Variants in PLPP3 observed in about 807,000 individuals in gnomAD.
The protein encoded by PLPP3 is phospholipid phosphatase 3, also known as PAP2 beta.
PLPP3 carries 6 observed loss-of-function variants against 29.6 expected under a neutral mutation model. That is an observed-to-expected ratio of 0.20 (90% confidence interval 0.11 to 0.40). The LOEUF (loss-of-function observed/expected upper bound fraction) is 0.40. Ranked by LOEUF, PLPP3 falls within the 10% of genes least tolerant of loss-of-function variation. The probability of loss-of-function intolerance (pLI) is 1.00; values close to 1 mark genes in which losing one functional copy is unlikely to be tolerated. For missense variants in PLPP3, 308 were observed against 407.7 expected, an observed-to-expected ratio of 0.76 and a Z score of 2.11; for synonymous variants, 152 against 159.7, an observed-to-expected ratio of 0.95 and a Z score of 0.36.
At chr1:56,529,520 T>C (rs757675996) in intron 2 of PLPP3, among the ~76,000 whole-genome samples, 1 of 152,176 alleles carries the variant, frequency 6.6e-6, no homozygotes, top group Non-Finnish European at 1.5e-5. Context: ...CTGTTGATGA[T>C]GGAGAATCGT....
At chr1:56,557,070 GAAAGAAAAAAT>G (rs1646088384) in intron 1 of PLPP3, among the ~76,000 whole-genome samples, 1 of 130,344 alleles carries the variant, frequency 7.7e-6, no homozygotes, top group Non-Finnish European at 1.7e-5. Context: ...AAGAAAGAAA[GAAAGAAAAAAT>G]GAGAGAGAGA....
chr1:56,542,319 C>T (rs1406498239), intron 1 of PLPP3, among the ~76,000 whole-genome samples: 1 of 152,110 alleles, frequency 6.6e-6, no homozygotes, highest in Non-Finnish European at 1.5e-5. Context: ...ACCCAAGTGA[C>T]CTGGCCCCAA....
intron 1 of PLPP3, among the ~76,000 whole-genome samples, chr1:56,564,992 T>G (rs960637142): frequency 1.3e-5 from 2 of 152,236 alleles, no homozygotes; most frequent in Non-Finnish European, 2.9e-5. Context: ...GTGCTTCTAA[T>G]GAAAACATCC....
chr1:56,496,778 C>T, intron 5 of PLPP3, 102 bp from the exon 6 acceptor site: 1 of 1,272,554 alleles, frequency 7.9e-7, no homozygotes, highest in Admixed American at 2.4e-5. Flanking sequence ...GGAAAAGGGG[C>T]CCCAAATCAT....
At chr1:56,566,082 A>G (rs1415897445) in intron 1 of PLPP3, among the ~76,000 whole-genome samples, 1 of 152,192 alleles carries the variant, frequency 6.6e-6, no homozygotes, top group Non-Finnish European at 1.5e-5. Flanking sequence ...AGGCTTGACA[A>G]GTTAATCACT....
chr1:56,508,591 A>T (rs1485656498), intron 5 of PLPP3, among the ~76,000 whole-genome samples: 2 of 152,186 alleles, frequency 1.3e-5, no homozygotes, highest in African/African-American at 4.8e-5. Flanking sequence ...AGTTGTGAGT[A>T]AGAAGAGAAC....
chr1:56,497,829 T>C (rs981471448), intron 5 of PLPP3, among the ~76,000 whole-genome samples: 5 of 152,216 alleles, frequency 3.3e-5, no homozygotes, highest in Non-Finnish European at 5.9e-5. Flanking sequence ...ATTTTCACAG[T>C]GTCCCTTCTG....
intron 1 of PLPP3, among the ~76,000 whole-genome samples, chr1:56,562,704 TG>T (rs1374681639): frequency 1.3e-5 from 2 of 152,226 alleles, no homozygotes; most frequent in Non-Finnish European, 2.9e-5. Flanking sequence ...AAGCTGAGAC[TG>T]GAGGCAAGAA....
At chr1:56,528,298 T>C (rs1645865494) in intron 2 of PLPP3, among the ~76,000 whole-genome samples, 1 of 152,162 alleles carries the variant, frequency 6.6e-6, no homozygotes, top group South Asian at 2.1e-4. Flanking sequence ...AGAGGTTGGC[T>C]CCAACTGCAA....
intron 1 of PLPP3, among the ~76,000 whole-genome samples, chr1:56,554,839 C>T (rs760294279): frequency 3.9e-5 from 6 of 152,092 alleles, no homozygotes; most frequent in African/African-American, 1.4e-4. Context: ...CTTAGCACTC[C>T]ACATTGGTTT....
At chr1:56,526,635 A>T (rs1443091889) in intron 2 of PLPP3, among the ~76,000 whole-genome samples, 1 of 152,224 alleles carries the variant, frequency 6.6e-6, no homozygotes, top group Non-Finnish European at 1.5e-5. Context: ...GGAGTCAAGT[A>T]GCCGAGGTTC....
intron 1 of PLPP3, among the ~76,000 whole-genome samples, chr1:56,575,683 C>T (rs773640761): frequency 1.3e-5 from 2 of 152,180 alleles, no homozygotes; most frequent in African/African-American, 4.8e-5. Flanking sequence ...CAATTCAAAT[C>T]GACTTCAGTG....
chr1:56,545,353 C>T lies in PLPP3; in HGVS notation c.140-8241G>A, dbSNP rs560591680. 3.3e-5 allele frequency among the ~76,000 whole-genome samples: 5 copies of T among 152,300 alleles called. No homozygotes were observed. The South Asian group carries it at 6.2e-4, about 19-fold the overall frequency. On this transcript the variant is annotated intron_variant, in intron 1 of 5. Transcript: ENST00000371250. Reference sequence around the variant, plus strand: ...ATGTAGTTGATAAAATAAGTTATTTCTTGCTCTTATATGTGACAGGGAGCC... The same window carrying T: ...ATGTAGTTGATAAAATAAGTTATTTTTTGCTCTTATATGTGACAGGGAGCC...
At chr1:56,565,509 C>T (rs910934100) in intron 1 of PLPP3, among the ~76,000 whole-genome samples, 2 of 152,114 alleles carry the variant, frequency 1.3e-5, no homozygotes, top group South Asian at 2.1e-4. Context: ...CAACCTCTGC[C>T]TCCCAGGCTC....
intron 4 of PLPP3, among the ~76,000 whole-genome samples, chr1:56,517,892 C>A (rs1645792922): frequency 6.6e-6 from 1 of 152,214 alleles, no homozygotes; most frequent in Non-Finnish European, 1.5e-5. Context: ...GGAATAATCT[C>A]TGACCTGATC....
intron 1 of PLPP3, among the ~76,000 whole-genome samples, chr1:56,566,285 G>T (rs1569606331): frequency 6.6e-6 from 1 of 152,172 alleles, no homozygotes; most frequent in African/African-American, 2.4e-5. Flanking sequence ...GAAACACGTG[G>T]AGAATATAGG....
Position 56,498,842 on chromosome 1 carries a change from C to G in PLPP3, c.811-2166G>C, listed in dbSNP as rs556468363. Among the ~76,000 whole-genome samples, 493 of 152,258 alleles carry G rather than the reference C, an allele frequency of 3.2e-3. 1 individual carries two copies. The highest frequency in any genetic ancestry group is 4.0e-3 in the Non-Finnish European group (273 of 68,012). On this transcript the variant is annotated intron_variant, in intron 5 of 5. Transcript: ENST00000371250. ...AGAGACGGGGTTTCACCATGCTGAC[C>G]AGGCTGGTCTGGAACTCCTGACCTC...
intron 2 of PLPP3, among the ~76,000 whole-genome samples, chr1:56,529,821 A>T (rs949590326): frequency 6.6e-6 from 1 of 152,172 alleles, no homozygotes; most frequent in African/African-American, 2.4e-5. Context: ...GTCCAAAGAC[A>T]CCAGTATAAT....
chr1:56,556,491 G>T (rs1355165579), intron 1 of PLPP3, among the ~76,000 whole-genome samples: 1 of 151,994 alleles, frequency 6.6e-6, no homozygotes, highest in Non-Finnish European at 1.5e-5. Context: ...TGCCAAAATG[G>T]CAATAGTATT....
Sources: gnomAD v4.1 joint callset for allele counts (sites outside exome capture counted in the v4.1 genomes callset) on GRCh38, gnomAD v4.1.1 for gene constraint, MANE v1.5 for transcripts, NCBI Gene and HGNC (gene_info 2026-07-23, HGNC 2026-07-21) for gene names.